RAD54L2: variants seen among roughly 807,000 people sequenced by gnomAD.
RAD54L2 encodes helicase ARIP4.
Under a neutral mutation model 138.4 loss-of-function variants are expected in RAD54L2, and 27 were observed. That is an observed-to-expected ratio of 0.20 (90% confidence interval 0.14 to 0.27). RAD54L2 has a LOEUF of 0.27. RAD54L2 is among the 10% of genes least tolerant of loss of function. RAD54L2 has a pLI of 1.00. For missense variants in RAD54L2, 1,396 were observed against 1,890.2 expected, an observed-to-expected ratio of 0.74 and a Z score of 4.85; for synonymous variants, 644 against 723.2, an observed-to-expected ratio of 0.89 and a Z score of 1.76.
At chr3:51,630,550 A>G (rs1422412794) in intron 6 of RAD54L2, 155 bp from the exon 7 acceptor site, 1 of 978,176 alleles carries the variant, frequency 1.0e-6, no homozygotes, top group South Asian at 1.7e-5. Flanking sequence ...GCTTGTCTTA[A>G]CTTGAAGCTG....
intron 4 of RAD54L2, among the ~76,000 whole-genome samples, chr3:51,628,052 G>A (rs1026636192): frequency 2.6e-5 from 4 of 152,046 alleles, no homozygotes; most frequent in South Asian, 2.1e-4. Context: ...TGGACTTTCC[G>A]GTTTTTCCTC....
intron 2 of RAD54L2, among the ~76,000 whole-genome samples, chr3:51,561,047 A>G (rs1699085916): frequency 6.6e-6 from 1 of 152,148 alleles, no homozygotes; most frequent in South Asian, 2.1e-4. Context: ...TGCTTATACC[A>G]TTCTGCTCTT....
At chr3:51,648,775 A>G (rs904447216) in intron 19 of RAD54L2, among the ~76,000 whole-genome samples, 1 of 152,148 alleles carries the variant, frequency 6.6e-6, no homozygotes, top group African/African-American at 2.4e-5. Flanking sequence ...AAAGGACATC[A>G]ACACCAAAAC....
rs371752844 is a variant in RAD54L2, at chr3:51,645,805, C to T, written c.2829+42C>T. 14 of 1,554,686 alleles carry T rather than the reference C, an allele frequency of 9.0e-6. No homozygotes were observed. The African/African-American group carries it at 1.6e-4, about 18-fold the overall frequency. ...CATGCAATCCCCAGAGTGGCAGTCT[C>T]TCTGTCAAAGGAGGCTTGTCTTGTA... On this transcript the variant is annotated intron_variant, in intron 18 of 22. Coordinates refer to ENST00000684192, the MANE Select transcript of RAD54L2 (RefSeq NM_015106.4). The surrounding 1 kb of genome is among the most constrained non-coding windows in gnomAD (Gnocchi z 6.1).
intron 2 of RAD54L2, among the ~76,000 whole-genome samples, chr3:51,556,645 C>G (rs1009257243): frequency 6.6e-6 from 1 of 151,842 alleles, no homozygotes; most frequent in Non-Finnish European, 1.5e-5. Flanking sequence ...GGCATGATCT[C>G]GGCTCATTGC....
At position 51,668,584 on chromosome 3, in the gene RAD54L2, CAG is replaced by C. The variant is rs1288599208; in HGVS notation, c.*5166_*5167del. On this transcript the variant is annotated 3_prime_UTR_variant, in exon 23 of 23. Transcript: ENST00000684192. ...TGTCACTTTTTTAAAAAAAAGCAAACAGAACAATTGTAAGTCAGTATAACTGC... is the reference window on the plus strand; with the variant it reads ...TGTCACTTTTTTAAAAAAAAGCAAACAACAATTGTAAGTCAGTATAACTGC... 6.6e-6 allele frequency: 1 copy of C among 152,144 alleles called. No individual in the cohort carries two copies. The highest frequency in any genetic ancestry group is 2.4e-5 in the African/African-American group (1 of 41,442). The allele number at this position is 152,144 out of a possible 1,614,324, so 9.4% of individuals were successfully genotyped here. A position where few individuals can be genotyped will look rare whatever the true frequency, so the allele number is the denominator to read the frequency against.
At chr3:51,582,576 C>G (rs965461920) in intron 2 of RAD54L2, among the ~76,000 whole-genome samples, 3 of 151,572 alleles carry the variant, frequency 2.0e-5, no homozygotes, top group Non-Finnish European at 4.4e-5. Context: ...CTCCACCCCC[C>G]ACAACTCTGC....
At chr3:51,550,560 C>T (rs971014581) in intron 2 of RAD54L2, among the ~76,000 whole-genome samples, 7 of 151,970 alleles carry the variant, frequency 4.6e-5, no homozygotes, top group East Asian at 1.9e-4. Context: ...TCCGGGATTT[C>T]GAGACCCGCC....
chr3:51,601,897 G>A (rs528105748), intron 3 of RAD54L2, among the ~76,000 whole-genome samples: 10 of 149,758 alleles, frequency 6.7e-5, no homozygotes, highest in Admixed American at 2.7e-4. Flanking sequence ...TTGCCCTGTC[G>A]CCAGGCTGGA....
intron 3 of RAD54L2, chr3:51,611,356 C>T (rs959360510): frequency 1.3e-5 from 2 of 151,278 alleles, no homozygotes; most frequent in African/African-American, 4.9e-5. Flanking sequence ...GCATAATAAT[C>T]GCATTATGGA....
At chr3:51,659,119 T>TC (rs1701688814) in intron 21 of RAD54L2, among the ~76,000 whole-genome samples, 1 of 146,500 alleles carries the variant, frequency 6.8e-6, no homozygotes, top group Non-Finnish European at 1.5e-5. Context: ...TTTTTTTTTT[T>TC]TTTTGAGGCA....
In RAD54L2 at chr3:51,663,320, A is replaced by G. The variant is rs1356373946; in HGVS notation, c.4304A>G (p.Gln1435Arg). The G allele has an allele frequency of 4.3e-6, 7 of 1,613,898 alleles. No homozygotes were observed. Among genetic ancestry groups the G allele is most frequent in the Non-Finnish European group, 5.9e-6 (7 of 1,179,866 alleles). The change falls in exon 23 of 23, where the codon CAG (glutamine) becomes CGG (arginine). Residue 1435 changes from glutamine to arginine, a missense_variant. Physicochemically the swap from Gln to Arg is conservative, Grantham distance 43. Around this residue, in one of 7 missense-constraint regions of RAD54L2, gnomAD observed 634 missense variants for 711.2 expected, o/e 0.89. Coordinates refer to ENST00000684192, the MANE Select transcript of RAD54L2 (RefSeq NM_015106.4). ...CCAGCTGGTGGCCTCCTACGGTCCC[A>G]GGTGCCTCCATTTGACTCTCATGAG... ...GYPAGGLLRS[Q>R]VPPFDSHEVA...
chr3:51,608,084 G>A (rs1449800184), intron 3 of RAD54L2, among the ~76,000 whole-genome samples: 1 of 151,370 alleles, frequency 6.6e-6, no homozygotes, highest in East Asian at 2.0e-4. Context: ...GCGGCTGCCG[G>A]GTGGAGGGGC....
intron 3 of RAD54L2, among the ~76,000 whole-genome samples, chr3:51,605,214 C>T (rs1366080800): frequency 2.0e-5 from 3 of 150,770 alleles, no homozygotes; most frequent in Middle Eastern, 3.5e-3. Context: ...CTCAGCCTCC[C>T]GAGTAGCTGA....
intron 10 of RAD54L2, among the ~76,000 whole-genome samples, chr3:51,636,048 T>C (rs1385942652): frequency 1.3e-5 from 2 of 152,200 alleles, no homozygotes; most frequent in African/African-American, 4.8e-5. Context: ...TCTATCCCTG[T>C]TTCTCTTACA....
intron 2 of RAD54L2, among the ~76,000 whole-genome samples, chr3:51,570,753 G>C (rs148287083): frequency 6.6e-6 from 1 of 152,110 alleles, no homozygotes; most frequent in Non-Finnish European, 1.5e-5. Context: ...CCGGTGCCCA[G>C]CCCTATTTTT....
intron 20 of RAD54L2, among the ~76,000 whole-genome samples, chr3:51,656,772 C>CA (rs1383667242): frequency 6.6e-6 from 1 of 150,936 alleles, no homozygotes; most frequent in Non-Finnish European, 1.5e-5. Context: ...TTTTTGGAGA[C>CA]AGAGTCTTGC....
At chr3:51,620,115 C>T (rs1269615197) in intron 3 of RAD54L2, among the ~76,000 whole-genome samples, 3 of 151,640 alleles carry the variant, frequency 2.0e-5, no homozygotes, top group Non-Finnish European at 4.4e-5. Flanking sequence ...TTTTAATAGA[C>T]AGGGTCTTGC....
In RAD54L2 at chr3:51,558,831, C is replaced by T. The variant is rs1340283422; in HGVS notation, c.-55+17181C>T. Among the ~76,000 whole-genome samples, 4 of 152,070 alleles carry T rather than the reference C, an allele frequency of 2.6e-5. No homozygotes were observed. The East Asian group carries it at 7.7e-4, about 29-fold the overall frequency. ...TGCCTTGTGAAGTATATAGTCAATA[C>T]ATTCCTTAATAGAAATCAACTGTGT... is the stretch of plus-strand genomic sequence containing the variant. On this transcript the variant is annotated intron_variant, in intron 2 of 22. Transcript: ENST00000684192.
Sources: allele counts gnomAD v4.1 joint callset (sites outside exome capture counted in the v4.1 genomes callset), GRCh38; gene constraint gnomAD v4.1.1; regional missense constraint gnomAD v4.1.1; non-coding constraint Gnocchi (gnomAD v3.1); transcripts MANE v1.5; gene names NCBI Gene and HGNC (gene_info 2026-07-23, HGNC 2026-07-21).